The following SEL1L3 variants were observed in gnomAD, a reference collection of about 807,000 sequenced individuals.
The protein encoded by SEL1L3 is protein sel-1 homolog 3.
In SEL1L3, 76 loss-of-function variants were observed where a neutral mutation model predicts 142.8. The observed-to-expected ratio is 0.53, with a 90% CI of 0.44 to 0.64. The LOEUF (loss-of-function observed/expected upper bound fraction) is 0.64. Among genes scored for constraint, SEL1L3 ranks in the 30% least tolerant of loss-of-function variants. The pLI is 0.00. For missense variants in SEL1L3, 1,262 were observed against 1,381.7 expected, an observed-to-expected ratio of 0.91 and a Z score of 1.37; for synonymous variants, 504 against 519.6, an observed-to-expected ratio of 0.97 and a Z score of 0.41.
chr4:25,796,339 A>C (rs1173360644), intron 11 of SEL1L3, among the ~76,000 whole-genome samples: 1 of 152,160 alleles, frequency 6.6e-6, no homozygotes, highest in Non-Finnish European at 1.5e-5. Context: ...TCACGCCTGT[A>C]ATCCTAGCAG....
intron 2 of SEL1L3, among the ~76,000 whole-genome samples, chr4:25,845,625 A>T (rs961333871): frequency 1.3e-5 from 2 of 152,184 alleles, no homozygotes; most frequent in Admixed American, 6.5e-5. Flanking sequence ...TTGGGACAGT[A>T]CCAAGAAATC....
intron 1 of SEL1L3, 64 bp from the exon 2 acceptor site, chr4:25,847,928 C>T (rs1716645801): frequency 6.4e-6 from 6 of 939,990 alleles, no homozygotes; most frequent in Non-Finnish European, 9.4e-6. Context: ...ATAACAGATA[C>T]TTGAATCATT....
the SEL1L3 span, among the ~76,000 whole-genome samples, chr4:25,741,190 C>T: frequency 2.0e-5 from 3 of 151,360 alleles, no homozygotes; most frequent in African/African-American, 7.3e-5. Flanking sequence ...CTGCAACCTT[C>T]ACCTCCCGGG....
upstream of SEL1L3, chr4:25,863,429 C>A (rs1326846449): frequency 4.3e-6 from 3 of 700,044 alleles, no homozygotes; most frequent in Admixed American, 4.0e-5. Context: ...TCCTCTCCCA[C>A]CCACCCCTTT....
At chr4:25,833,726 T>G (rs552656665) in intron 3 of SEL1L3, among the ~76,000 whole-genome samples, 157 bp from the exon 4 acceptor site, 4 of 152,234 alleles carry the variant, frequency 2.6e-5, no homozygotes, top group Non-Finnish European at 5.9e-5. Context: ...AGCTTGATTT[T>G]TGAAACAAAG....
At chr4:25,863,391 C>A, upstream of SEL1L3, 2 of 694,428 alleles carry the variant, frequency 2.9e-6, no homozygotes, top group Non-Finnish European at 5.2e-6. Flanking sequence ...TTTCTCCCTT[C>A]CCATCCTCTT....
chr4:25,764,132 T>G (rs975270938), intron 20 of SEL1L3, among the ~76,000 whole-genome samples: 22 of 152,132 alleles, frequency 1.4e-4, no homozygotes, highest in Admixed American at 2.6e-4. Flanking sequence ...CTCAATCTAT[T>G]CAAGAGAAAA....
chr4:25,722,624 C>CTTTTTTTTTTTTTTTTTTTTT, the SEL1L3 span, among the ~76,000 whole-genome samples: 15 of 103,662 alleles, frequency 1.4e-4, 1 homozygote, highest in African/African-American at 4.7e-4. Flanking sequence ...CCAAAGGAGG[C>CTTTTTTTTTTTTTTTTTTTTT]TTTTTTTTTT....
chr4:25,842,829 G>A (rs1164142903), intron 2 of SEL1L3, among the ~76,000 whole-genome samples: 1 of 152,258 alleles, frequency 6.6e-6, no homozygotes, highest in Non-Finnish European at 1.5e-5. Flanking sequence ...CCAGGAAATA[G>A]GCACATAGGC....
At chr4:25,810,615 T>A (rs533550558) in intron 9 of SEL1L3, among the ~76,000 whole-genome samples, 46 of 152,334 alleles carry the variant, frequency 3.0e-4, no homozygotes, top group Admixed American at 1.9e-3. Context: ...GCAGGAGCCA[T>A]TTTCCTAGAG....
chr4:25,718,782 T>C, the SEL1L3 span: 1 of 152,166 alleles, frequency 6.6e-6, no homozygotes, highest in African/African-American at 2.4e-5. Context: ...TGAGGAGTCT[T>C]AGGTGAAGTC....
chr4:25,804,120 C>T (rs986526445), intron 10 of SEL1L3, among the ~76,000 whole-genome samples: 5 of 152,170 alleles, frequency 3.3e-5, no homozygotes, highest in Non-Finnish European at 7.4e-5. Flanking sequence ...TCTGGTATGG[C>T]GTTTATTTTG....
chr4:25,772,494 C>A (rs889316079), intron 17 of SEL1L3, among the ~76,000 whole-genome samples: 3 of 151,854 alleles, frequency 2.0e-5, no homozygotes, highest in African/African-American at 7.3e-5. Flanking sequence ...CATTCTAGGG[C>A]GACTCTTTCT....
intron 2 of SEL1L3, among the ~76,000 whole-genome samples, chr4:25,846,634 C>T (rs1244314388): frequency 6.6e-6 from 1 of 152,076 alleles, no homozygotes; most frequent in East Asian, 1.9e-4. Flanking sequence ...GAGGCCCCGG[C>T]ATGGTGGCTC....
chr4:25,779,037 T>TG (rs758860702), intron 16 of SEL1L3, 39 bp downstream of exon 16: 1 of 1,607,448 alleles, frequency 6.2e-7, no homozygotes, highest in East Asian at 2.2e-5. Flanking sequence ...ATATAGGATA[T>TG]GGCTTTCCCT....
At chr4:25,849,178 T>C (rs1322340489) in intron 1 of SEL1L3, among the ~76,000 whole-genome samples, 1 of 152,170 alleles carries the variant, frequency 6.6e-6, no homozygotes, top group Non-Finnish European at 1.5e-5. Flanking sequence ...GCAATTCCAC[T>C]TCTGGATATA....
chr4:25,754,402 G>A (rs958736927), intron 23 of SEL1L3, among the ~76,000 whole-genome samples: 14 of 149,684 alleles, frequency 9.4e-5, no homozygotes, highest in Non-Finnish European at 1.5e-4. Context: ...AGGCTGGAGC[G>A]TGGTGGTGCA....
At chr4:25,799,734 G>A (rs1387540982) in intron 11 of SEL1L3, among the ~76,000 whole-genome samples, 4 of 152,216 alleles carry the variant, frequency 2.6e-5, no homozygotes, top group Non-Finnish European at 5.9e-5. Context: ...CTGCTGAGGT[G>A]TTTGCAGGGA....
chr4:25,831,676 C>A (rs1715457478), intron 5 of SEL1L3, among the ~76,000 whole-genome samples: 2 of 151,874 alleles, frequency 1.3e-5, no homozygotes, highest in South Asian at 4.2e-4. Context: ...TAGGCACGTA[C>A]ACCACGCCCA....
Sources: gnomAD v4.1 joint callset for allele counts (sites outside exome capture counted in the v4.1 genomes callset) on GRCh38, gnomAD v4.1.1 for gene constraint, MANE v1.5 for transcripts, NCBI Gene and HGNC (gene_info 2026-07-23, HGNC 2026-07-21) for gene names.